The following KLF12 variants were observed in gnomAD, a reference collection of about 807,000 sequenced individuals.
The protein encoded by KLF12 is Krueppel-like factor 12.
In KLF12, 9 loss-of-function variants were observed where a neutral mutation model predicts 37.8. That is an observed-to-expected ratio of 0.24 (90% CI 0.14 to 0.42). The LOEUF (loss-of-function observed/expected upper bound fraction) is 0.42, where lower values mean the gene tolerates loss of function less well. Among genes scored for constraint, KLF12 ranks in the 10% least tolerant of loss-of-function variants. KLF12 has a pLI of 1.00. For missense variants in KLF12, 411 were observed against 516.0 expected (o/e 0.80, Z 1.97); for synonymous variants, 208 against 202.1 (o/e 1.03, Z -0.25).
intron 1 of KLF12, among the ~76,000 whole-genome samples, chr13:74,057,348 T>G (rs910212409): frequency 1.4e-4 from 21 of 152,202 alleles, no homozygotes; most frequent in Middle Eastern, 3.4e-3. Flanking sequence ...GCCTGAAACC[T>G]CCACCCCATC....
intron 7 of KLF12, among the ~76,000 whole-genome samples, chr13:73,709,466 A>C (rs1435159708): frequency 1.3e-5 from 2 of 152,190 alleles, no homozygotes; most frequent in African/African-American, 4.8e-5. Context: ...GTTTACTAAG[A>C]GCATGCAAAC....
chr13:74,150,411 C>G, the KLF12 span, among the ~76,000 whole-genome samples: 12 of 152,312 alleles, frequency 7.9e-5, no homozygotes, highest in South Asian at 6.2e-4. Flanking sequence ...GAACACATTT[C>G]GTTCATGCCT....
intron 6 of KLF12, among the ~76,000 whole-genome samples, chr13:73,738,124 TAC>T (rs199524649): frequency 2.4e-5 from 2 of 81,932 alleles, no homozygotes; most frequent in Non-Finnish European, 4.3e-5. Context: ...TATATATATA[TAC>T]ACACACACAC....
chr13:74,005,920 C>A (rs1033501171), intron 1 of KLF12, among the ~76,000 whole-genome samples: 7 of 152,184 alleles, frequency 4.6e-5, no homozygotes, highest in African/African-American at 1.7e-4. Context: ...ACTACTACTT[C>A]AAGTATTCTT....
At chr13:74,069,700 A>G (rs1046910565) in intron 1 of KLF12, among the ~76,000 whole-genome samples, 1 of 152,326 alleles carries the variant, frequency 6.6e-6, no homozygotes, top group Non-Finnish European at 1.5e-5. Context: ...AGAGGCAGAA[A>G]ATAGGAGATT....
At chr13:74,213,176 A>G in the KLF12 span, among the ~76,000 whole-genome samples, 8 of 152,284 alleles carry the variant, frequency 5.3e-5, no homozygotes, top group East Asian at 9.6e-4. Flanking sequence ...ACACACACAC[A>G]TAAATGGGAA....
rs1479866523 is a variant in KLF12 at position 73,999,241 on chromosome 13, A to AT, written c.-31-4189dup. Among the ~76,000 whole-genome samples, 3 of 152,338 alleles carry AT rather than the reference A, an allele frequency of 2.0e-5. No homozygotes were observed. The East Asian group carries it at 5.8e-4, about 29-fold the overall frequency. On this transcript the variant is annotated intron_variant, in intron 1 of 7. Transcript: ENST00000377669. ...AAAAGTGATAACAGACATCACTTCA[A>AT]TTAGGGTAGGTGGAGTCCATAAAGA...
the KLF12 span, among the ~76,000 whole-genome samples, chr13:74,304,695 G>A: frequency 7.2e-5 from 11 of 152,022 alleles, no homozygotes; most frequent in African/African-American, 1.7e-4. Context: ...GTAGGGAGAC[G>A]GCCCAGTTCA....
the KLF12 span, among the ~76,000 whole-genome samples, chr13:74,189,029 C>T: frequency 9.9e-5 from 15 of 152,026 alleles, no homozygotes; most frequent in African/African-American, 2.9e-4. Context: ...AAACAAAAAC[C>T]CAAAAAGTGA....
At chr13:74,166,156 G>A in the KLF12 span, among the ~76,000 whole-genome samples, 2 of 142,592 alleles carry the variant, frequency 1.4e-5, no homozygotes, top group South Asian at 4.6e-4. Context: ...GCAGTGGCGC[G>A]ATCCCAGCTT....
intron 6 of KLF12, among the ~76,000 whole-genome samples, chr13:73,734,253 T>C (rs1877280312): frequency 6.6e-6 from 1 of 152,082 alleles, no homozygotes; most frequent in Non-Finnish European, 1.5e-5. Context: ...CTAGATAGCC[T>C]CTCCTGACCC....
chr13:73,751,077 TAGAA>T (rs1273994041), intron 6 of KLF12, among the ~76,000 whole-genome samples: 1 of 151,970 alleles, frequency 6.6e-6, no homozygotes, highest in Non-Finnish European at 1.5e-5. Flanking sequence ...AGAGGAGGAG[TAGAA>T]AGAAGTGAAT....
chr13:73,940,422 A>T (rs1410299926), intron 3 of KLF12, among the ~76,000 whole-genome samples: 1 of 152,188 alleles, frequency 6.6e-6, no homozygotes, highest in Admixed American at 6.5e-5. Context: ...TGCAAGAGTC[A>T]GAGAACTCCA....
intron 2 of KLF12, among the ~76,000 whole-genome samples, chr13:73,951,415 G>C (rs1890643174): frequency 6.6e-6 from 1 of 152,270 alleles, no homozygotes; most frequent in African/African-American, 2.4e-5. Context: ...ATCTGTCCAA[G>C]ATTATGAAAA....
chr13:74,086,615 T>G (rs1280328587), intron 1 of KLF12, among the ~76,000 whole-genome samples: 3 of 152,122 alleles, frequency 2.0e-5, no homozygotes, highest in African/African-American at 7.2e-5. Context: ...TTAAAACTAT[T>G]ATATTGCTCT....
At chr13:73,854,312 T>G (rs1885492854) in intron 3 of KLF12, among the ~76,000 whole-genome samples, 2 of 152,238 alleles carry the variant, frequency 1.3e-5, no homozygotes, top group African/African-American at 4.8e-5. Flanking sequence ...TATGCAATAA[T>G]GTTTATCATC....
intron 5 of KLF12, among the ~76,000 whole-genome samples, chr13:73,810,982 C>CTTTCTTTCTT (rs1555308731): frequency 4.5e-5 from 2 of 44,808 alleles, no homozygotes; most frequent in African/African-American, 8.4e-5. Context: ...ATTTTTCTTT[C>CTTTCTTTCTT]TTTTTTTTTT....
intron 5 of KLF12, among the ~76,000 whole-genome samples, chr13:73,785,008 C>T (rs1357875590): frequency 1.3e-5 from 2 of 152,076 alleles, no homozygotes; most frequent in Admixed American, 1.3e-4. Flanking sequence ...GTACATCATG[C>T]TGGTGTCTCC....
intron 3 of KLF12, among the ~76,000 whole-genome samples, chr13:73,909,147 C>T (rs1295083436): frequency 6.6e-6 from 1 of 152,176 alleles, no homozygotes; most frequent in Non-Finnish European, 1.5e-5. Flanking sequence ...ATTACAAAAT[C>T]TTTTGAAGGT....
Sources: gnomAD v4.1 joint callset for allele counts (sites outside exome capture counted in the v4.1 genomes callset) on GRCh38, gnomAD v4.1.1 for gene constraint, MANE v1.5 for transcripts, NCBI Gene and HGNC (gene_info 2026-07-23, HGNC 2026-07-21) for gene names.